KAT14: variants seen among roughly 807,000 people sequenced by gnomAD.
KAT14 encodes lysine acetyltransferase 14.
A neutral mutation model predicts 78.4 loss-of-function variants in KAT14; 66 were observed. The observed-to-expected ratio is 0.84, with a 90% confidence interval of 0.69 to 1.03. The LOEUF (loss-of-function observed/expected upper bound fraction) is 1.03. KAT14 is among the 50% of genes least tolerant of loss of function. The pLI is 0.00. For missense variants in KAT14, 870 were observed against 972.5 expected, an observed-to-expected ratio of 0.89 and a Z score of 1.40; for synonymous variants, 344 against 359.4, an observed-to-expected ratio of 0.96 and a Z score of 0.48.
chr20:18,144,495 A>G (rs899026497), intron 2 of KAT14, among the ~76,000 whole-genome samples: 2 of 152,020 alleles, frequency 1.3e-5, no homozygotes, highest in Admixed American at 6.6e-5. Context: ...CATTCTCCCT[A>G]TACACAAAGA....
intron 7 of KAT14, among the ~76,000 whole-genome samples, chr20:18,181,264 C>G (rs1358725448): frequency 6.6e-6 from 1 of 151,448 alleles, no homozygotes; most frequent in Non-Finnish European, 1.5e-5. Flanking sequence ...GAAGTTTGAG[C>G]TTTCCAAATA....
chr20:18,145,491 A>G, intron 3 of KAT14, 140 bp downstream of exon 3: 1 of 1,299,968 alleles, frequency 7.7e-7, no homozygotes, highest in Non-Finnish European at 1.1e-6. Context: ...TAGATACCGA[A>G]TATGTGGAGA....
intron 9 of KAT14, chr20:18,183,680 T>C (rs1365838693): frequency 2.4e-5 from 9 of 372,164 alleles, no homozygotes; most frequent in Non-Finnish European, 3.3e-5. Context: ...ATTTAGCTGT[T>C]CCTTAGAGAG....
chr20:18,142,672 C>G lies in KAT14; in HGVS notation c.12C>G (p.Ser4Arg). The G allele has an allele frequency of 6.2e-7, 1 of 1,614,168 alleles. No individual in the cohort carries two copies. The highest frequency in any genetic ancestry group is 8.5e-7 in the Non-Finnish European group (1 of 1,180,032). Residue 4 changes from serine (S) to arginine (R), a missense_variant, in exon 2 of 11, where the codon AGC (serine) becomes AGG (arginine). By Grantham distance (110) the Ser-to-Arg change is moderately radical (BLOSUM62 -1). Transcript: ENST00000688188. MDS[S>R]IHLSSLISRH... ...GTGAGAAGGAAGGGATGGATAGTAG[C>G]ATCCACCTGAGTAGTCTGATCAGTC...
intron 4 of KAT14, among the ~76,000 whole-genome samples, chr20:18,152,917 C>T (rs2038099879): frequency 6.6e-6 from 1 of 152,146 alleles, no homozygotes; most frequent in African/African-American, 2.4e-5. Context: ...ACAGACCTTG[C>T]GACCATATAT....
At chr20:18,181,902 G>T (rs1198014915) in intron 8 of KAT14, 56 bp downstream of exon 8, 4 of 1,601,344 alleles carry the variant, frequency 2.5e-6, no homozygotes, top group Non-Finnish European at 2.6e-6. Context: ...TAATGATTGT[G>T]GTTTCTGTGC....
At chr20:18,171,378 C>T (rs1204012332) in intron 7 of KAT14, among the ~76,000 whole-genome samples, 1 of 152,200 alleles carries the variant, frequency 6.6e-6, no homozygotes, top group Non-Finnish European at 1.5e-5. Flanking sequence ...ATGCTATCTA[C>T]TCCTGCTAAA....
At chr20:18,175,907 G>A (rs138884103) in intron 7 of KAT14, among the ~76,000 whole-genome samples, 3 of 151,344 alleles carry the variant, frequency 2.0e-5, no homozygotes, top group Non-Finnish European at 4.4e-5. Context: ...TACTTAGGAG[G>A]CTGAGGTGAG....
intron 1 of KAT14, among the ~76,000 whole-genome samples, chr20:18,140,818 CAAAAA>C (rs1157203058): frequency 1.3e-5 from 1 of 79,078 alleles, no homozygotes; most frequent in Non-Finnish European, 2.3e-5. Context: ...GACTCCTTCT[CAAAAA>C]AAAAAAAAAA....
At position 18,162,849 on chromosome 20, in the gene KAT14, T is replaced by A; in HGVS notation, c.1572T>A (p.Ile524=). 1.9e-6 allele frequency: 3 copies of A among 1,614,122 alleles called. No individual in the cohort carries two copies. Among genetic ancestry groups the A allele is most frequent in the Non-Finnish European group, 2.5e-6 (3 of 1,180,014 alleles). The part of the protein sequence containing the change: ...VNAALLLVDG[I]YGAKEGGISR... ...CTGCTCTTTTGTTAGTTGACGGGAT[T>A]TATGGAGCCAAAGAAGGAGGAATTT... The change falls in exon 7 of 11, where the codon ATT becomes ATA. Residue 524 remains isoleucine, a synonymous_variant. Transcript: ENST00000688188.
At chr20:18,138,266 T>C (rs1357363344) in intron 1 of KAT14, 1 of 1,227,798 alleles carries the variant, frequency 8.1e-7, no homozygotes, top group African/African-American at 1.6e-5. Context: ...AGCCCGCAGA[T>C]TCAGGACGAC....
At chr20:18,154,785 TCTAG>T (rs1327469009) in intron 4 of KAT14, among the ~76,000 whole-genome samples, 1 of 152,218 alleles carries the variant, frequency 6.6e-6, no homozygotes, top group Non-Finnish European at 1.5e-5. Context: ...ATAAGATGTA[TCTAG>T]CTGTCAGAGA....
intron 5 of KAT14, 32 bp downstream of exon 5, chr20:18,159,297 A>G (rs1188382115): frequency 1.2e-6 from 2 of 1,603,286 alleles, no homozygotes; most frequent in African/African-American, 2.7e-5. Flanking sequence ...AAAAGTTGCT[A>G]GTCAGACCAG....
chr20:18,174,636 T>G (rs967297408), intron 7 of KAT14, among the ~76,000 whole-genome samples: 7 of 151,758 alleles, frequency 4.6e-5, no homozygotes, highest in Non-Finnish European at 1.0e-4. Context: ...CTTGTTTAGT[T>G]TGTTATCCTT....
intron 7 of KAT14, among the ~76,000 whole-genome samples, chr20:18,167,981 C>T (rs886822468): frequency 2.5e-4 from 38 of 151,868 alleles, no homozygotes; most frequent in African/African-American, 3.9e-4. Flanking sequence ...ATTATTCACT[C>T]GTCCTATTGT....
At chr20:18,155,099 G>A (rs2146396351) in intron 4 of KAT14, among the ~76,000 whole-genome samples, 1 of 152,090 alleles carries the variant, frequency 6.6e-6, no homozygotes, top group East Asian at 1.9e-4. Flanking sequence ...TGGTCAGGCT[G>A]GTCTTGAACT....
chr20:18,183,836 T>C (rs1441577025), intron 9 of KAT14, among the ~76,000 whole-genome samples: 2 of 152,240 alleles, frequency 1.3e-5, no homozygotes, highest in African/African-American at 4.8e-5. Flanking sequence ...AAGGAACACA[T>C]TTGCATTGCT....
At chr20:18,140,300 G>A (rs537864568) in intron 1 of KAT14, among the ~76,000 whole-genome samples, 4 of 152,184 alleles carry the variant, frequency 2.6e-5, no homozygotes, top group East Asian at 3.9e-4. Context: ...AAGGGTGCAT[G>A]GTTCAAGACA....
In KAT14 at chr20:18,142,351, A is replaced by C. The variant is rs1423736873; in HGVS notation, c.-310A>C. The C allele has an allele frequency of 6.5e-7, 1 of 1,536,166 alleles. No homozygotes were observed. Among genetic ancestry groups the C allele is most frequent in the South Asian group, 1.2e-5 (1 of 83,954 alleles). The stretch of plus-strand genomic sequence containing the variant: ...TGTTATTGGCAAAAGGATCTCAAAA[A>C]TCATGACTTGAATGTGAAATATCTG... On this transcript the variant is annotated 5_prime_UTR_variant, in exon 2 of 11. Transcript: ENST00000688188.
Sources: allele counts gnomAD v4.1 joint callset (sites outside exome capture counted in the v4.1 genomes callset), GRCh38; gene constraint gnomAD v4.1.1; transcripts MANE v1.5; gene names NCBI Gene and HGNC (gene_info 2026-07-23, HGNC 2026-07-21).